GPC5: variants seen among roughly 807,000 people sequenced by gnomAD.
GPC5 encodes glypican-5.
In GPC5, 47 loss-of-function variants were observed where a neutral mutation model predicts 53.9. The ratio of observed to expected loss-of-function variants is 0.87; its 90% CI spans 0.69 to 1.11. The LOEUF (loss-of-function observed/expected upper bound fraction) is 1.11. Ranked by LOEUF, GPC5 falls within the 50% of genes most tolerant of loss-of-function variation. The pLI, the probability that GPC5 is intolerant of heterozygous loss-of-function variation, is 0.00. For synonymous variants in GPC5, 286 were observed against 263.3 expected (o/e 1.09, Z -0.84); for missense variants, 748 against 713.1 (o/e 1.05, Z -0.56).
Position 91,841,661 on chromosome 13 carries a change from T to C in GPC5, c.1281-66276T>C, listed in dbSNP as rs755164546. On this transcript the variant is annotated intron_variant, in intron 5 of 7. Transcript: ENST00000377067. ...TAAATAAGAAGGCATTGGATTTATA[T>C]TGGTAATTTAGACTAGCTTAGAAAA... is the stretch of plus-strand genomic sequence containing the variant. Among the ~76,000 whole-genome samples the C allele has an allele frequency of 4.6e-5, 7 of 152,084 alleles. No homozygotes were observed. In the South Asian group the frequency reaches 1.5e-3, roughly 32 times the overall value.
At chr13:91,968,768 T>A (rs2040213809) in intron 6 of GPC5, among the ~76,000 whole-genome samples, 1 of 152,100 alleles carries the variant, frequency 6.6e-6, no homozygotes, top group African/African-American at 2.4e-5. Context: ...GGGCAATAAT[T>A]CTTCTAAATA....
At chr13:92,602,713 A>C (rs1454757084) in intron 7 of GPC5, among the ~76,000 whole-genome samples, 5 of 152,184 alleles carry the variant, frequency 3.3e-5, no homozygotes, top group Non-Finnish European at 7.3e-5. Flanking sequence ...CAATTCCAAG[A>C]GGGAAATTAG....
chr13:91,880,078 ATACT>A (rs1208235256), intron 5 of GPC5, among the ~76,000 whole-genome samples: 2 of 152,134 alleles, frequency 1.3e-5, no homozygotes, highest in Admixed American at 6.6e-5. Context: ...TTTCAAACAA[ATACT>A]TACTAAAAAC....
In GPC5 at chr13:91,973,768, G is replaced by A. The variant is rs556709900; in HGVS notation, c.1401+65711G>A. Among the ~76,000 whole-genome samples, 3 of 152,258 alleles carry A rather than the reference G, an allele frequency of 2.0e-5. No individual in the cohort carries two copies. The East Asian group carries it at 5.8e-4, about 29-fold the overall frequency. On this transcript the variant is annotated intron_variant, in intron 6 of 7. Transcript: ENST00000377067. ...GTTTGCCTGGGTGTCAGCAGCGGTG[G>A]CTGCAGAACAGCGGTGGCTGTAGAA...
intron 6 of GPC5, among the ~76,000 whole-genome samples, chr13:91,928,607 A>G (rs1353716734): frequency 2.0e-5 from 3 of 152,158 alleles, no homozygotes; most frequent in African/African-American, 7.2e-5. Context: ...GGGCTTTAAA[A>G]TGGAGCAAGA....
chr13:91,797,128 A>G (rs2038059116), intron 5 of GPC5, among the ~76,000 whole-genome samples: 1 of 152,178 alleles, frequency 6.6e-6, no homozygotes, highest in African/African-American at 2.4e-5. Context: ...TGCCTAAAGA[A>G]AAACTTCATA....
chr13:92,751,255 C>T (rs1396343636), intron 7 of GPC5, among the ~76,000 whole-genome samples: 1 of 119,866 alleles, frequency 8.3e-6, no homozygotes, highest in African/African-American at 3.1e-5. Context: ...GAAAAGGTAC[C>T]TACGTAAGAA....
intron 7 of GPC5, among the ~76,000 whole-genome samples, chr13:92,551,005 G>A (rs1882292871): frequency 1.3e-5 from 2 of 151,844 alleles, no homozygotes; most frequent in South Asian, 2.1e-4. Context: ...ATCAAATAGA[G>A]CTTTAACTAG....
At chr13:91,617,282 A>G (rs1325319117) in intron 2 of GPC5, among the ~76,000 whole-genome samples, 1 of 152,170 alleles carries the variant, frequency 6.6e-6, no homozygotes, top group Non-Finnish European at 1.5e-5. Context: ...TTTATTCTGC[A>G]TAGGCTGGGG....
At chr13:91,894,433 A>G (rs2039420001) in intron 5 of GPC5, among the ~76,000 whole-genome samples, 1 of 152,228 alleles carries the variant, frequency 6.6e-6, no homozygotes, top group Admixed American at 6.5e-5. Flanking sequence ...AGCAAAAACA[A>G]GCTTGGAGAT....
chr13:91,437,627 A>T (rs1880085443), intron 1 of GPC5, among the ~76,000 whole-genome samples: 1 of 152,108 alleles, frequency 6.6e-6, no homozygotes, highest in African/African-American at 2.4e-5. Flanking sequence ...GAATCTGACA[A>T]TTATGTGTCT....
intron 7 of GPC5, among the ~76,000 whole-genome samples, chr13:92,706,431 T>G (rs1887953829): frequency 1.3e-5 from 2 of 151,984 alleles, no homozygotes; most frequent in Non-Finnish European, 1.5e-5. Context: ...TGGGAGAATT[T>G]TCCACCAGAA....
rs1874903544 is a variant in GPC5, at chr13:92,756,885, T to C, written c.1562-109397T>C. Among the ~76,000 whole-genome samples, 4 of 150,648 alleles carry C rather than the reference T, an allele frequency of 2.7e-5. No individual in the cohort carries two copies. In the South Asian group the frequency reaches 8.4e-4, roughly 32 times the overall value. ...TGCTCATGGGTAGGAAGAATCAATA[T>C]CGTGAAAATGGCCATACTGCCCAAG... On this transcript the variant is annotated intron_variant, in intron 7 of 7. Coordinates refer to ENST00000377067, the MANE Select transcript of GPC5 (RefSeq NM_004466.6).
At chr13:91,996,376 T>G (rs142770293) in intron 6 of GPC5, 1 of 152,234 alleles carries the variant, frequency 6.6e-6, no homozygotes, top group East Asian at 1.9e-4. Context: ...TTCTAGTTGC[T>G]ACAATGCAAG....
intron 7 of GPC5, among the ~76,000 whole-genome samples, chr13:92,518,187 A>C (rs547158416): frequency 6.6e-6 from 1 of 152,314 alleles, no homozygotes; most frequent in East Asian, 1.9e-4. Context: ...AATGGAACCA[A>C]GTTGGAAAAC....
At chr13:92,509,046 C>G (rs887019906) in intron 7 of GPC5, among the ~76,000 whole-genome samples, 1 of 152,022 alleles carries the variant, frequency 6.6e-6, no homozygotes, top group African/African-American at 2.4e-5. Context: ...AATGACAGAC[C>G]ATACATAAAT....
chr13:91,782,767 A>G (rs2037818080), intron 5 of GPC5, among the ~76,000 whole-genome samples: 1 of 152,192 alleles, frequency 6.6e-6, no homozygotes, highest in Admixed American at 6.5e-5. Context: ...TATATGTGAG[A>G]AAACTGCAAC....
At chr13:92,401,183 T>TTC (rs1875541622) in intron 7 of GPC5, among the ~76,000 whole-genome samples, 1 of 151,976 alleles carries the variant, frequency 6.6e-6, no homozygotes, top group East Asian at 1.9e-4. Flanking sequence ...ATCTATTTTT[T>TTC]TTTTTTTTAG....
At chr13:91,604,430 T>C (rs2139261056) in intron 2 of GPC5, among the ~76,000 whole-genome samples, 1 of 152,042 alleles carries the variant, frequency 6.6e-6, no homozygotes, top group East Asian at 1.9e-4. Flanking sequence ...CATGTGTCTT[T>C]ATAGCAGCAT....
Sources: allele counts gnomAD v4.1 joint callset (sites outside exome capture counted in the v4.1 genomes callset), GRCh38; gene constraint gnomAD v4.1.1; transcripts MANE v1.5; gene names NCBI Gene and HGNC (gene_info 2026-07-23, HGNC 2026-07-21).